ERC1: variants seen among roughly 807,000 people sequenced by gnomAD.
The protein encoded by ERC1 is ELKS/RAB6-interacting/CAST family member 1, also known as RAB6 interacting protein 2.
In ERC1, 56 loss-of-function variants were observed where a neutral mutation model predicts 132.0. The observed-to-expected ratio is 0.42, with a 90% CI of 0.34 to 0.53. The LOEUF is 0.53. Among genes scored for constraint, ERC1 ranks in the 20% least tolerant of loss-of-function variants. The pLI is 0.03. For missense variants in ERC1, 1,202 were observed against 1,349.9 expected (o/e 0.89, Z 1.72); for synonymous variants, 478 against 476.1 (o/e 1.00, Z -0.05).
chr12:1,279,299 A>C (rs73029107), intron 14 of ERC1, among the ~76,000 whole-genome samples: 4,219 of 152,308 alleles, frequency 0.028, 60 homozygotes, highest in Middle Eastern at 0.075. Context: ...AAATAACCCC[A>C]TGACATAGTA....
intron 8 of ERC1, among the ~76,000 whole-genome samples, chr12:1,144,978 A>C (rs962396735): frequency 2.6e-5 from 4 of 151,056 alleles, no homozygotes; most frequent in Admixed American, 6.6e-5. Flanking sequence ...ATTATATCGC[A>C]TTGTGGTTTT....
At chr12:1,274,488 A>ATTTTAT (rs1566455347) in intron 14 of ERC1, among the ~76,000 whole-genome samples, 2 of 148,940 alleles carry the variant, frequency 1.3e-5, no homozygotes, top group African/African-American at 5.1e-5. Context: ...TATTTTATTT[A>ATTTTAT]TTTATTTATT....
At chr12:1,042,830 A>C (rs1486632976) in intron 2 of ERC1, among the ~76,000 whole-genome samples, 12 of 152,114 alleles carry the variant, frequency 7.9e-5, no homozygotes, top group Admixed American at 7.9e-4. Flanking sequence ...GATAGCCTGC[A>C]TAATAAGTAA....
chr12:1,118,212 T>G lies in ERC1; in HGVS notation c.1569+2179T>G, dbSNP rs556759651. Among the ~76,000 whole-genome samples the G allele has an allele frequency of 3.9e-5, 6 of 152,352 alleles. No individual in the cohort carries two copies. The East Asian group carries it at 1.2e-3, about 29-fold the overall frequency. Reference sequence around the variant, plus strand: ...TAGAGGTCAGCCGCACTTCCAAGTTTGCTACTGTAATAGCTTTGGATGGAG... The same window carrying G: ...TAGAGGTCAGCCGCACTTCCAAGTTGGCTACTGTAATAGCTTTGGATGGAG... On this transcript the variant is annotated intron_variant, in intron 7 of 18. Transcript: ENST00000360905.
At chr12:1,239,435 T>G (rs2075650327) in intron 13 of ERC1, among the ~76,000 whole-genome samples, 1 of 152,062 alleles carries the variant, frequency 6.6e-6, no homozygotes, top group African/African-American at 2.4e-5. Context: ...AACAACATAA[T>G]GAAGAAATAC....
At chr12:1,473,740 TGAAAG>T (rs1463801665) in intron 18 of ERC1, among the ~76,000 whole-genome samples, 12 of 151,946 alleles carry the variant, frequency 7.9e-5, no homozygotes, top group Non-Finnish European at 1.5e-4. Flanking sequence ...AGTGCAGACT[TGAAAG>T]GAAAGAGGAC....
chr12:1,216,059 G>T (rs1344358413), intron 12 of ERC1, among the ~76,000 whole-genome samples: 1 of 151,980 alleles, frequency 6.6e-6, no homozygotes, highest in Non-Finnish European at 1.5e-5. Context: ...AAAATAAATT[G>T]TCCCCAAATT....
intron 1 of ERC1, among the ~76,000 whole-genome samples, chr12:995,882 G>A (rs1216779496): frequency 1.3e-5 from 2 of 152,112 alleles, no homozygotes; most frequent in African/African-American, 2.4e-5. Context: ...AACCAGGGGA[G>A]TATGATATTC....
chr12:1,298,944 AATAAAG>A (rs1335481928), intron 15 of ERC1, among the ~76,000 whole-genome samples: 3 of 152,136 alleles, frequency 2.0e-5, no homozygotes, highest in Non-Finnish European at 2.9e-5. Context: ...AAGACCATAT[AATAAAG>A]ATAAAGGGGA....
intron 12 of ERC1, among the ~76,000 whole-genome samples, chr12:1,233,243 G>T (rs1354553820): frequency 1.3e-5 from 2 of 152,082 alleles, no homozygotes; most frequent in Non-Finnish European, 2.9e-5. Context: ...GGCTGAGGCG[G>T]GTGGGTCACT....
intron 12 of ERC1, chr12:1,204,484 T>G (rs770161918): frequency 6.3e-7 from 1 of 1,585,006 alleles, no homozygotes. Flanking sequence ...TCTTCCTGGA[T>G]TTCCTGTTTC....
intron 16 of ERC1, among the ~76,000 whole-genome samples, chr12:1,404,360 A>T (rs7971674): frequency 0.27 from 41,169 of 151,480 alleles, 8,523 homozygotes; most frequent in African/African-American, 0.58. Flanking sequence ...CATTTGCAAT[A>T]ATCCTTTGAA....
At chr12:1,032,641 T>C (rs936929817) in intron 2 of ERC1, among the ~76,000 whole-genome samples, 1 of 152,200 alleles carries the variant, frequency 6.6e-6, no homozygotes, top group African/African-American at 2.4e-5. Context: ...TGATGTCTCT[T>C]CACCTTGTGA....
At chr12:1,176,642 A>G (rs1325847976) in intron 8 of ERC1, among the ~76,000 whole-genome samples, 4 of 151,164 alleles carry the variant, frequency 2.6e-5, no homozygotes, top group Admixed American at 1.3e-4. Flanking sequence ...GTGCAGTGAC[A>G]TGAACTTGGC....
chr12:1,356,212 AAGTGTGTGTGTGTGTGTGTGT>A (rs2085517268), intron 15 of ERC1, among the ~76,000 whole-genome samples: 1 of 119,060 alleles, frequency 8.4e-6, no homozygotes, highest in South Asian at 2.5e-4. Context: ...AAAAAAAAAA[AAGTGTGTGTGTGTGTGTGTGT>A]GTGTGTGTGT....
chr12:1,095,988 T>C (rs1943977134), intron 3 of ERC1, among the ~76,000 whole-genome samples: 1 of 151,322 alleles, frequency 6.6e-6, no homozygotes, highest in Non-Finnish European at 1.5e-5. Flanking sequence ...TGCAGTGGCG[T>C]GATCTTGGCT....
chr12:1,475,113 C>G (rs149160403), intron 18 of ERC1, among the ~76,000 whole-genome samples: 1 of 152,216 alleles, frequency 6.6e-6, no homozygotes. Flanking sequence ...GTATCCTATA[C>G]TTGTCCCGTA....
chr12:1,386,192 A>C (rs987405063), intron 16 of ERC1, among the ~76,000 whole-genome samples: 4 of 151,728 alleles, frequency 2.6e-5, no homozygotes, highest in African/African-American at 9.7e-5. Context: ...GGTGCCTGCC[A>C]CCATGCCCAG....
chr12:1,251,326 G>GT (rs2076458883), intron 13 of ERC1, among the ~76,000 whole-genome samples: 1 of 151,956 alleles, frequency 6.6e-6, no homozygotes, highest in African/African-American at 2.4e-5. Context: ...TTGATTTCCT[G>GT]TTTCTAGAAC....
Sources: gnomAD v4.1 joint callset for allele counts (sites outside exome capture counted in the v4.1 genomes callset) on GRCh38, gnomAD v4.1.1 for gene constraint, MANE v1.5 for transcripts, NCBI Gene and HGNC (gene_info 2026-07-23, HGNC 2026-07-21) for gene names.